The following SPINK5 variants were observed in gnomAD, a reference collection of about 807,000 sequenced individuals.
SPINK5 encodes the protein serine protease inhibitor Kazal-type 5.
SPINK5 carries 125 observed loss-of-function variants against 151.8 expected under a neutral mutation model. That is an observed-to-expected ratio of 0.82 (90% CI 0.71 to 0.96). The LOEUF (loss-of-function observed/expected upper bound fraction) is 0.96, where lower values mean the gene tolerates loss of function less well. Among genes scored for constraint, SPINK5 ranks in the 40% least tolerant of loss-of-function variants. The pLI, the probability that SPINK5 is intolerant of heterozygous loss-of-function variation, is 0.00. For synonymous variants in SPINK5, 374 were observed against 395.3 expected (o/e 0.95, Z 0.64); for missense variants, 1,194 against 1,291.9 (o/e 0.92, Z 1.16).
In SPINK5 at chr5:148,101,858, C is replaced by T. The variant is rs1207845818; in HGVS notation, c.1380C>T (p.Gly460=). The change falls in exon 15 of 33, where the codon GGC becomes GGT. Residue 460 remains glycine, a synonymous_variant. Coordinates refer to ENST00000256084, the MANE Select transcript of SPINK5 (RefSeq NM_006846.4). ...CCAGAGAGAATGACCCCATCCAGGG[C>T]CCAGATGGAAAAATGCATGGCAACA... The part of the protein sequence containing the change: ...FCTRENDPIQ[G]PDGKMHGNTC... 4 of 1,613,806 alleles carry T rather than the reference C, an allele frequency of 2.5e-6. No homozygotes were observed. In the Admixed American group the frequency reaches 5.0e-5, roughly 20 times the overall value.
At position 148,088,583 on chromosome 5, in the gene SPINK5, G is replaced by A. The variant is rs990074605; in HGVS notation, c.452G>A (p.Cys151Tyr). 2.4e-5 allele frequency: 39 copies of A among 1,611,708 alleles called. No homozygotes were observed. In the Middle Eastern group the frequency reaches 9.9e-4, roughly 41 times the overall value. Residue 151 changes from cysteine (C) to tyrosine (Y), a missense_variant, in exon 6 of 33, where the codon TGT becomes TAT. Cys to Tyr is a radical substitution (Grantham distance 194). Transcript: ENST00000256084. The part of the protein sequence containing the change: ...SQIGVKSEGE[C>Y]KSSNPEQDVC... ...ATTGGTGTAAAAAGTGAAGGGGAAT[G>A]TAAGAGCAGTAATCCAGAGCAGGTG...
chr5:148,098,888 C>G (rs1328351418), intron 11 of SPINK5, among the ~76,000 whole-genome samples: 1 of 152,020 alleles, frequency 6.6e-6, no homozygotes, highest in African/African-American at 2.4e-5. Flanking sequence ...GTTAAGGCCA[C>G]TTTCAGCCTT....
intron 4 of SPINK5, among the ~76,000 whole-genome samples, chr5:148,073,552 A>C (rs1416454169): frequency 6.6e-6 from 1 of 151,756 alleles, no homozygotes; most frequent in Non-Finnish European, 1.5e-5. Context: ...TCTAACATCC[A>C]TTCTCCTCTT....
intron 31 of SPINK5, among the ~76,000 whole-genome samples, chr5:148,132,774 T>C (rs1243185115): frequency 6.6e-6 from 1 of 152,154 alleles, no homozygotes. Flanking sequence ...GTTACTCCTT[T>C]CAAGAAAATT....
chr5:148,065,001 G>T (rs1752540523), intron 1 of SPINK5, among the ~76,000 whole-genome samples: 1 of 152,044 alleles, frequency 6.6e-6, no homozygotes, highest in African/African-American at 2.4e-5. Context: ...AGTATTTTGT[G>T]TGTATGTTAT....
intron 22 of SPINK5, among the ~76,000 whole-genome samples, chr5:148,116,782 T>C (rs12519519): frequency 0.54 from 82,695 of 152,050 alleles, 23,673 homozygotes; most frequent in Admixed American, 0.64. Flanking sequence ...TTTCTTTCAT[T>C]ATTCTTTCTT....
chr5:148,094,941 C>A (rs898123130), intron 9 of SPINK5, among the ~76,000 whole-genome samples: 3 of 151,854 alleles, frequency 2.0e-5, no homozygotes, highest in African/African-American at 7.3e-5. Context: ...GGGAGAAGGG[C>A]AAATCTCACA....
At chr5:148,097,620 C>G (rs1327367760) in intron 10 of SPINK5, among the ~76,000 whole-genome samples, 2 of 151,834 alleles carry the variant, frequency 1.3e-5, no homozygotes, top group Non-Finnish European at 2.9e-5. Flanking sequence ...TTATCTTTTC[C>G]ATTTGACTGA....
chr5:148,098,020 A>G, intron 11 of SPINK5, 26 bp downstream of exon 11: 2 of 1,605,196 alleles, frequency 1.2e-6, no homozygotes, highest in Admixed American at 1.7e-5. Flanking sequence ...TAGAATGTCA[A>G]AGAAAGAAGG....
rs1753222982 is a variant in SPINK5, at chr5:148,088,588, A to G, written c.457A>G (p.Ser153Gly). 1.2e-6 allele frequency: 2 copies of G among 1,611,700 alleles called. No homozygotes were observed. The highest frequency in any genetic ancestry group is 1.7e-4 in the Middle Eastern group (1 of 6,042). Residue 153 changes from serine (S) to glycine (G), a missense_variant, in exon 6 of 33, where the codon AGC becomes GGC. Coordinates refer to ENST00000256084, the MANE Select transcript of SPINK5 (RefSeq NM_006846.4). ...IGVKSEGECK[S>G]SNPEQDVCSA... ...TGTAAAAAGTGAAGGGGAATGTAAG[A>G]GCAGTAATCCAGAGCAGGTGAGGTC...
At chr5:148,086,348 A>T in intron 4 of SPINK5, 57 bp from the exon 5 acceptor site, 2 of 1,595,968 alleles carry the variant, frequency 1.3e-6, no homozygotes, top group African/African-American at 2.7e-5. Context: ...CTATTTATAC[A>T]TCTAAGGACT....
At chr5:148,125,581 C>G (rs763774354) in intron 28 of SPINK5, 142 bp from the exon 29 acceptor site, 5 of 1,614,058 alleles carry the variant, frequency 3.1e-6, no homozygotes, top group Non-Finnish European at 4.2e-6. Flanking sequence ...ACAACCTGGG[C>G]GTTCCTTGGC....
At chr5:148,127,170 T>A in intron 30 of SPINK5, 91 bp downstream of exon 30, 1 of 1,154,228 alleles carries the variant, frequency 8.7e-7, no homozygotes, top group Non-Finnish European at 1.3e-6. Flanking sequence ...CATAGAAGGG[T>A]CTGAGGTTTG....
intron 26 of SPINK5, among the ~76,000 whole-genome samples, chr5:148,121,678 C>T (rs1435087842): frequency 6.6e-6 from 1 of 150,880 alleles, no homozygotes; most frequent in Admixed American, 6.6e-5. Flanking sequence ...AATATGGAGG[C>T]AGGGTGTGGT....
chr5:148,077,637 G>A (rs1259541228), intron 4 of SPINK5, among the ~76,000 whole-genome samples: 28 of 135,058 alleles, frequency 2.1e-4, no homozygotes, highest in South Asian at 7.0e-4. Context: ...GTTTTATCAG[G>A]TATATATATA....
Position 148,066,248 on chromosome 5 carries a change from C to T in SPINK5, c.81+876C>T, listed in dbSNP as rs1442724233. 3.3e-5 allele frequency among the ~76,000 whole-genome samples: 5 copies of T among 152,146 alleles called. No individual in the cohort carries two copies. The South Asian group carries it at 6.2e-4, about 19-fold the overall frequency. ...TGATAAATTAAAAAATCATTTTCTA[C>T]TAGAAGTTAAATTTTTTAATCTATT... On this transcript the variant is annotated intron_variant, in intron 2 of 32. Transcript: ENST00000256084.
intron 4 of SPINK5, among the ~76,000 whole-genome samples, chr5:148,080,277 T>C (rs1316817793): frequency 6.6e-6 from 1 of 151,358 alleles, no homozygotes; most frequent in Non-Finnish European, 1.5e-5. Context: ...TGTTCATAGA[T>C]GAGAAAACTC....
At chr5:148,122,082 A>AATT (rs1171381455) in intron 26 of SPINK5, among the ~76,000 whole-genome samples, 1 of 152,090 alleles carries the variant, frequency 6.6e-6, no homozygotes, top group Non-Finnish European at 1.5e-5. Context: ...GTTTACCAAT[A>AATT]ATTATATTTA....
At chr5:148,132,344 T>C (rs958464351) in intron 31 of SPINK5, among the ~76,000 whole-genome samples, 1 of 152,004 alleles carries the variant, frequency 6.6e-6, no homozygotes, top group Non-Finnish European at 1.5e-5. Flanking sequence ...GCCCAGAACA[T>C]GAGGATAGGA....
Sources: gnomAD v4.1 joint callset for allele counts (sites outside exome capture counted in the v4.1 genomes callset) on GRCh38, gnomAD v4.1.1 for gene constraint, MANE v1.5 for transcripts, NCBI Gene and HGNC (gene_info 2026-07-23, HGNC 2026-07-21) for gene names.